ELOVL6: variants seen among roughly 807,000 people sequenced by gnomAD.
The protein encoded by ELOVL6 is very long chain fatty acid elongase 6.
In ELOVL6, 8 loss-of-function variants were observed where a neutral mutation model predicts 31.7. The observed-to-expected ratio is 0.25, with a 90% CI of 0.15 to 0.45. ELOVL6 has a LOEUF of 0.45. Ranked by LOEUF, ELOVL6 falls within the 20% of genes least tolerant of loss-of-function variation. ELOVL6 has a pLI of 1.00. For synonymous variants in ELOVL6, 101 were observed against 117.7 expected (o/e 0.86, Z 0.92); for missense variants, 126 against 326.4 (o/e 0.39, Z 4.73).
intron 3 of ELOVL6, among the ~76,000 whole-genome samples, chr4:110,057,743 C>G: frequency 6.6e-6 from 1 of 150,858 alleles, no homozygotes; most frequent in Non-Finnish European, 1.5e-5. Context: ...CCCAGCTACT[C>G]GGAAGGCTGA....
At chr4:110,057,643 G>T (rs147672314) in intron 3 of ELOVL6, among the ~76,000 whole-genome samples, 1 of 151,900 alleles carries the variant, frequency 6.6e-6, no homozygotes, top group South Asian at 2.1e-4. Context: ...CTGAGGTCAG[G>T]AGTTCAAGTC....
chr4:110,055,980 G>A (rs12500716), intron 3 of ELOVL6, among the ~76,000 whole-genome samples: 4,221 of 152,180 alleles, frequency 0.028, 233 homozygotes, highest in East Asian at 0.16. Flanking sequence ...TTAGTGAAGG[G>A]GGAGTTAGTG....
intron 2 of ELOVL6, among the ~76,000 whole-genome samples, chr4:110,090,708 A>G (rs770591502): frequency 1.5e-4 from 22 of 146,790 alleles, no homozygotes; most frequent in Non-Finnish European, 2.1e-4. Flanking sequence ...GGGTTCAAGC[A>G]ATTCCCCTGC....
intron 3 of ELOVL6, among the ~76,000 whole-genome samples, chr4:110,055,539 C>T (rs1242578587): frequency 6.6e-6 from 1 of 151,992 alleles, no homozygotes; most frequent in Non-Finnish European, 1.5e-5. Flanking sequence ...TTCCTTATAC[C>T]CAAGTGTCCC....
chr4:110,056,535 T>C (rs1219171289), intron 3 of ELOVL6, among the ~76,000 whole-genome samples: 1 of 151,144 alleles, frequency 6.6e-6, no homozygotes, highest in Non-Finnish European at 1.5e-5. Flanking sequence ...TATTTTAAAA[T>C]GTTAAAAAAA....
At chr4:110,140,154 C>T (rs1178292395) in intron 1 of ELOVL6, among the ~76,000 whole-genome samples, 2 of 152,156 alleles carry the variant, frequency 1.3e-5, no homozygotes, top group Non-Finnish European at 1.5e-5. Context: ...TATATAAGCC[C>T]CCAAACTTGA....
At chr4:110,193,833 A>T (rs1270379155) in intron 1 of ELOVL6, among the ~76,000 whole-genome samples, 1 of 152,140 alleles carries the variant, frequency 6.6e-6, no homozygotes, top group Non-Finnish European at 1.5e-5. Flanking sequence ...AAAGCTTTGA[A>T]AGGCTGGATG....
At position 110,159,873 on chromosome 4, in the gene ELOVL6, G is replaced by A. The variant is rs905381898; in HGVS notation, c.89+38374C>T. 4.6e-5 allele frequency among the ~76,000 whole-genome samples: 7 copies of A among 151,870 alleles called. No homozygotes were observed. In the East Asian group the frequency reaches 5.8e-4, roughly 13 times the overall value. ...ATCTCATTGCTATTTTATTTTTTCC[G>A]TTATGAGTATATTTAGGCATTTTTT... On this transcript the variant is annotated intron_variant, in intron 1 of 3. Coordinates refer to ENST00000302274, the MANE Select transcript of ELOVL6 (RefSeq NM_024090.3).
At chr4:110,171,679 C>CTTT (rs70956406) in intron 1 of ELOVL6, among the ~76,000 whole-genome samples, 707 of 66,192 alleles carry the variant, frequency 0.011, 69 homozygotes, top group Admixed American at 0.053. Flanking sequence ...ATAATATCCT[C>CTTT]TTTTTTTTTT....
chr4:110,051,781 G>C lies in ELOVL6; in HGVS notation c.374-19C>G, dbSNP rs1444474489. 6.2e-7 allele frequency: 1 copy of C among 1,600,690 alleles called. No homozygotes were observed. The highest frequency in any genetic ancestry group is 1.7e-5 in the Admixed American group (1 of 58,888). Reference sequence around the variant, plus strand: ...GTATCTCCTGGAAGACAAAGAGGAAGAAGGTACGTGAGATCCTTGACCACC... The same window carrying C: ...GTATCTCCTGGAAGACAAAGAGGAACAAGGTACGTGAGATCCTTGACCACC... On this transcript the variant is annotated intron_variant, in intron 3 of 3. Transcript: ENST00000302274. This position sits in a 1 kb window ranked among gnomAD's most constrained non-coding sequence, Gnocchi z 4.8.
At chr4:110,110,694 C>G (rs1757009952) in intron 1 of ELOVL6, among the ~76,000 whole-genome samples, 1 of 152,078 alleles carries the variant, frequency 6.6e-6, no homozygotes, top group South Asian at 2.1e-4. Context: ...CCACACCTGG[C>G]CAGGAGGTTT....
intron 1 of ELOVL6, among the ~76,000 whole-genome samples, chr4:110,189,966 C>CAAAAA (rs34493408): frequency 7.5e-6 from 1 of 133,692 alleles, no homozygotes. Flanking sequence ...GACTCCATCT[C>CAAAAA]AAAAAAAAAA....
chr4:110,139,498 C>T (rs1045078490), intron 1 of ELOVL6, among the ~76,000 whole-genome samples: 2 of 152,094 alleles, frequency 1.3e-5, no homozygotes, highest in South Asian at 4.1e-4. Context: ...AATAACAATG[C>T]ACACACAAAA....
intron 1 of ELOVL6, among the ~76,000 whole-genome samples, chr4:110,139,835 C>T (rs1422775448): frequency 2.6e-5 from 4 of 152,162 alleles, no homozygotes; most frequent in African/African-American, 9.6e-5. Flanking sequence ...AATTTTCCCA[C>T]TTGGTTGTAA....
chr4:110,175,821 A>T (rs1191068264), intron 1 of ELOVL6, among the ~76,000 whole-genome samples: 1 of 152,182 alleles, frequency 6.6e-6, no homozygotes, highest in Non-Finnish European at 1.5e-5. Context: ...GGTAAGTGAG[A>T]TCTTTATTAT....
intron 1 of ELOVL6, among the ~76,000 whole-genome samples, chr4:110,188,023 A>G (rs189062232): frequency 3.3e-5 from 5 of 152,348 alleles, no homozygotes; most frequent in African/African-American, 9.6e-5. Context: ...GATTCTTCAC[A>G]TTGTAGGAGC....
chr4:110,113,883 C>T (rs1334562467), intron 1 of ELOVL6, among the ~76,000 whole-genome samples: 1 of 152,148 alleles, frequency 6.6e-6, no homozygotes, highest in African/African-American at 2.4e-5. Flanking sequence ...TGAAGAAATA[C>T]TCTTCATTCT....
At chr4:110,111,933 G>A (rs6829767) in intron 1 of ELOVL6, among the ~76,000 whole-genome samples, 3 of 152,182 alleles carry the variant, frequency 2.0e-5, no homozygotes, top group African/African-American at 7.2e-5. Flanking sequence ...TGAGGCATGT[G>A]CCCAGTAATT....
intron 1 of ELOVL6, among the ~76,000 whole-genome samples, chr4:110,184,062 A>G (rs1158131512): frequency 6.6e-6 from 1 of 152,202 alleles, no homozygotes; most frequent in African/African-American, 2.4e-5. Context: ...GTATCTAGAA[A>G]AGGACTAATA....
Sources: allele counts gnomAD v4.1 joint callset (sites outside exome capture counted in the v4.1 genomes callset), GRCh38; gene constraint gnomAD v4.1.1; non-coding constraint Gnocchi (gnomAD v3.1); transcripts MANE v1.5; gene names NCBI Gene and HGNC (gene_info 2026-07-23, HGNC 2026-07-21).